Variants in MACROD2 observed in about 807,000 individuals in gnomAD.
MACROD2 encodes mono-ADP ribosylhydrolase 2.
In MACROD2, 36 loss-of-function variants were observed where a neutral mutation model predicts 70.4. The observed-to-expected ratio is 0.51, with a 90% confidence interval of 0.39 to 0.68. The LOEUF (loss-of-function observed/expected upper bound fraction) is 0.68. MACROD2 is among the 30% of genes least tolerant of loss of function. The probability of loss-of-function intolerance (pLI) is 0.00; values close to 1 mark genes in which losing one functional copy is unlikely to be tolerated. For missense variants in MACROD2, 496 were observed against 538.4 expected (o/e 0.92, Z 0.78); for synonymous variants, 172 against 178.8 (o/e 0.96, Z 0.30).
At chr20:16,006,650 G>T (rs1442301309) in intron 15 of MACROD2, among the ~76,000 whole-genome samples, 1 of 152,138 alleles carries the variant, frequency 6.6e-6, no homozygotes, top group African/African-American at 2.4e-5. Context: ...GATTGTTGGT[G>T]GGATGTTAAG....
At chr20:15,753,017 T>A (rs1044040815) in intron 8 of MACROD2, among the ~76,000 whole-genome samples, 3 of 152,188 alleles carry the variant, frequency 2.0e-5, no homozygotes, top group Non-Finnish European at 2.9e-5. Context: ...ACTTTGTAAA[T>A]GAGAAATTTA....
intron 8 of MACROD2, among the ~76,000 whole-genome samples, chr20:15,722,896 T>G (rs1049456444): frequency 1.3e-5 from 2 of 152,182 alleles, no homozygotes; most frequent in Non-Finnish European, 2.9e-5. Flanking sequence ...CCTACTATTG[T>G]CAAGGATGAA....
intron 4 of MACROD2, among the ~76,000 whole-genome samples, chr20:14,612,270 T>C (rs1983216594): frequency 6.6e-6 from 1 of 152,160 alleles, no homozygotes; most frequent in African/African-American, 2.4e-5. Context: ...GGTATAACTA[T>C]TTAGATAACA....
At chr20:14,827,893 T>TA (rs2072920148) in intron 5 of MACROD2, among the ~76,000 whole-genome samples, 2 of 152,034 alleles carry the variant, frequency 1.3e-5, no homozygotes, top group Admixed American at 1.3e-4. Context: ...CTATCTAATA[T>TA]CTAATAGTCT....
At chr20:14,633,015 T>C (rs1984594315) in intron 4 of MACROD2, among the ~76,000 whole-genome samples, 1 of 152,226 alleles carries the variant, frequency 6.6e-6, no homozygotes, top group African/African-American at 2.4e-5. Flanking sequence ...CTGAAATCAG[T>C]GTCGCGGTGT....
chr20:15,245,796 A>C (rs2075041775), intron 6 of MACROD2, among the ~76,000 whole-genome samples: 1 of 152,206 alleles, frequency 6.6e-6, no homozygotes, highest in Admixed American at 6.5e-5. Context: ...GATGCTTGAT[A>C]GGTTATGTGT....
intron 8 of MACROD2, among the ~76,000 whole-genome samples, chr20:15,800,675 C>T (rs779297217): frequency 5.3e-5 from 8 of 152,106 alleles, no homozygotes; most frequent in African/African-American, 1.4e-4. Flanking sequence ...GCCACCACCC[C>T]GTCTGGGAGG....
intron 8 of MACROD2, among the ~76,000 whole-genome samples, chr20:15,563,462 C>T (rs1474362401): frequency 1.3e-5 from 2 of 152,160 alleles, no homozygotes; most frequent in Non-Finnish European, 2.9e-5. Flanking sequence ...ACTCTTCATG[C>T]TTGCATTCAG....
chr20:15,571,052 C>T (rs1035451705), intron 8 of MACROD2, among the ~76,000 whole-genome samples: 2 of 152,158 alleles, frequency 1.3e-5, no homozygotes, highest in African/African-American at 4.8e-5. Flanking sequence ...GCTTGGGATA[C>T]TATCTTCAGA....
chr20:14,347,227 CTT>C (rs888659934), intron 3 of MACROD2, among the ~76,000 whole-genome samples: 48 of 152,086 alleles, frequency 3.2e-4, no homozygotes, highest in Non-Finnish European at 1.5e-5. Context: ...ATTTTGGACT[CTT>C]TATCAGTTAC....
intron 2 of MACROD2, among the ~76,000 whole-genome samples, chr20:14,084,393 T>C (rs1327391894): frequency 6.6e-6 from 1 of 152,154 alleles, no homozygotes; most frequent in Non-Finnish European, 1.5e-5. Flanking sequence ...TGAATAACAG[T>C]ATCTCCTTGT....
chr20:14,239,791 A>T (rs558438302), intron 3 of MACROD2, among the ~76,000 whole-genome samples: 1 of 152,358 alleles, frequency 6.6e-6, no homozygotes, highest in African/African-American at 2.4e-5. Flanking sequence ...CATGACGTAG[A>T]TGCCAAAAGC....
chr20:15,967,531 G>C, intron 12 of MACROD2, 22 bp from the exon 13 acceptor site: 2 of 1,600,138 alleles, frequency 1.2e-6, no homozygotes, highest in Non-Finnish European at 1.7e-6. Context: ...GCTGACCAAA[G>C]GTTTTGCTTG....
At chr20:15,313,116 T>C (rs552845934) in intron 6 of MACROD2, among the ~76,000 whole-genome samples, 8 of 152,344 alleles carry the variant, frequency 5.3e-5, no homozygotes, top group African/African-American at 1.9e-4. Context: ...TCTGCTTTTA[T>C]CATTTTCTCC....
chr20:15,407,033 A>C (rs1290509228), intron 6 of MACROD2, among the ~76,000 whole-genome samples: 1 of 152,172 alleles, frequency 6.6e-6, no homozygotes, highest in African/African-American at 2.4e-5. Flanking sequence ...TCGGAGACCA[A>C]GAATTGGAGC....
chr20:14,779,676 T>C (rs2072275964), intron 5 of MACROD2, among the ~76,000 whole-genome samples: 1 of 152,146 alleles, frequency 6.6e-6, no homozygotes, highest in Non-Finnish European at 1.5e-5. Context: ...CAAATTCTCC[T>C]TAACAGATGG....
chr20:15,611,156 A>G (rs1029605192), intron 8 of MACROD2, among the ~76,000 whole-genome samples: 2 of 152,030 alleles, frequency 1.3e-5, no homozygotes, highest in Non-Finnish European at 2.9e-5. Context: ...AGCCTGCTAT[A>G]TGTATGTACC....
At chr20:15,278,570 C>A (rs750950084) in intron 6 of MACROD2, among the ~76,000 whole-genome samples, 1 of 152,280 alleles carries the variant, frequency 6.6e-6, no homozygotes, top group African/African-American at 2.4e-5. Flanking sequence ...TAGAAGTCAA[C>A]GTACACATGA....
chr20:14,896,415 T>A (rs765394205), intron 5 of MACROD2, among the ~76,000 whole-genome samples: 2 of 152,188 alleles, frequency 1.3e-5, no homozygotes, highest in Non-Finnish European at 2.9e-5. Context: ...TTAAAAAAAA[T>A]GTTAGAATTC....
Sources: allele counts gnomAD v4.1 joint callset (sites outside exome capture counted in the v4.1 genomes callset), GRCh38; gene constraint gnomAD v4.1.1; transcripts MANE v1.5; gene names NCBI Gene and HGNC (gene_info 2026-07-23, HGNC 2026-07-21).